TRIM14: variants seen among roughly 807,000 people sequenced by gnomAD.
The protein encoded by TRIM14 is tripartite motif-containing protein 14.
In TRIM14, 28 loss-of-function variants were observed where a neutral mutation model predicts 44.5. That is an observed-to-expected ratio of 0.63 (90% CI 0.47 to 0.86). TRIM14 has a LOEUF of 0.86. TRIM14 is among the 40% of genes least tolerant of loss of function. The pLI, the probability that TRIM14 is intolerant of heterozygous loss-of-function variation, is 0.00. For synonymous variants in TRIM14, 299 were observed against 269.2 expected (o/e 1.11, Z -1.08); for missense variants, 607 against 611.1 (o/e 0.99, Z 0.07).
At chr9:98,059,523 TC>T in the TRIM14 span, among the ~76,000 whole-genome samples, 1 of 152,080 alleles carries the variant, frequency 6.6e-6, no homozygotes, top group East Asian at 1.9e-4. Context: ...CAAGCGATCC[TC>T]CCCCCTCAGC....
the TRIM14 span, chr9:98,060,919 C>A: frequency 6.2e-7 from 1 of 1,614,196 alleles, no homozygotes; most frequent in Middle Eastern, 1.7e-4. Flanking sequence ...ATCTGGAGTT[C>A]AGCCATGACC....
At chr9:98,056,914 G>A in the TRIM14 span, 1 of 1,608,778 alleles carries the variant, frequency 6.2e-7, no homozygotes, top group South Asian at 1.1e-5. Flanking sequence ...CCTGGACGTA[G>A]CCAAGCGCAT....
intron 2 of TRIM14, among the ~76,000 whole-genome samples, chr9:98,107,166 A>G (rs901698200): frequency 2.0e-5 from 3 of 152,246 alleles, no homozygotes; most frequent in African/African-American, 7.2e-5. Flanking sequence ...GCAGAAAAAC[A>G]CACTCTCATG....
chr9:98,068,601 GC>G, downstream of TRIM14, among the ~76,000 whole-genome samples: 1 of 151,142 alleles, frequency 6.6e-6, no homozygotes, highest in East Asian at 1.9e-4. Flanking sequence ...GTCGCTTGAG[GC>G]CAGGAGTTCA....
the TRIM14 span, among the ~76,000 whole-genome samples, chr9:98,063,705 C>CT: frequency 6.6e-6 from 1 of 151,500 alleles, no homozygotes; most frequent in Non-Finnish European, 1.5e-5. Flanking sequence ...ACACGCTTGG[C>CT]TAATTAAAAA....
In TRIM14 at chr9:98,087,196, G is replaced by C. The variant is rs1306458770; in HGVS notation, c.*274C>G. The stretch of plus-strand genomic sequence containing the variant: ...GGCTTACCTGTGGGGGTATCACTTT[G>C]AAGGAACTGGATTAAAGTAGTGTAA... On this transcript the variant is annotated 3_prime_UTR_variant, in exon 6 of 6. Transcript: ENST00000341469. 1.2e-5 allele frequency: 9 copies of C among 737,820 alleles called. No homozygotes were observed. The highest frequency in any genetic ancestry group is 2.3e-5 in the Non-Finnish European group (9 of 392,270). The allele number at this position is 737,820 out of a possible 1,614,324, so 45.7% of individuals were successfully genotyped here.
the TRIM14 span, among the ~76,000 whole-genome samples, chr9:98,039,941 T>G: frequency 6.6e-6 from 1 of 152,164 alleles, no homozygotes; most frequent in Non-Finnish European, 1.5e-5. Flanking sequence ...ATTGACACTG[T>G]CTAGCAGCGG....
chr9:98,088,681 C>G (rs1825889892), intron 5 of TRIM14, among the ~76,000 whole-genome samples: 1 of 152,180 alleles, frequency 6.6e-6, no homozygotes, highest in African/African-American at 2.4e-5. Context: ...TGTTTGGACG[C>G]ATAACTTAGT....
At chr9:98,065,483 A>AT (rs397837187), downstream of TRIM14, among the ~76,000 whole-genome samples, 10,492 of 58,218 alleles carry the variant, frequency 0.18, 1,876 homozygotes, top group Admixed American at 0.2. Flanking sequence ...TGCCCAGCTA[A>AT]TTTTTTTTTT....
At position 98,087,640 on chromosome 9, in the gene TRIM14, C is replaced by T. The variant is rs1355800803; in HGVS notation, c.1159G>A (p.Asp387Asn). Residue 387 changes from aspartate to asparagine, a missense_variant, in exon 6 of 6, where the codon GAC (aspartate) becomes AAC (asparagine). By Grantham distance (23) the Asp-to-Asn change is conservative. This residue lies in a region of TRIM14 where 356 missense variants were observed against 323.0 expected (regional missense o/e 1.10). Transcript: ENST00000341469. ...AGGAAGACGCCGAGCCGGTCGAGGTCGTCGCGGGGCCGCAGGCGGCTGCGC... is the reference window on the plus strand; with the variant it reads ...AGGAAGACGCCGAGCCGGTCGAGGTTGTCGCGGGGCCGCAGGCGGCTGCGC... ...GQRSRLRPRD[D>N]LDRLGVFLDY... 5 of 1,604,694 alleles carry T rather than the reference C, an allele frequency of 3.1e-6. No homozygotes were observed. The African/African-American group carries it at 5.3e-5, about 17-fold the overall frequency.
At chr9:98,113,125 A>AG (rs1474053155) in intron 1 of TRIM14, among the ~76,000 whole-genome samples, 1 of 123,396 alleles carries the variant, frequency 8.1e-6, no homozygotes, top group East Asian at 2.8e-4. Context: ...AAAAAAAAAA[A>AG]AAAAAAAAAA....
At chr9:98,061,109 C>A in the TRIM14 span, 1 of 1,022,776 alleles carries the variant, frequency 9.8e-7, no homozygotes, top group Non-Finnish European at 1.5e-6. Context: ...CCTTTCTGTT[C>A]CCAGCTACTG....
At chr9:98,042,531 T>A in the TRIM14 span, among the ~76,000 whole-genome samples, 1 of 152,078 alleles carries the variant, frequency 6.6e-6, no homozygotes, top group Non-Finnish European at 1.5e-5. Flanking sequence ...CTTAAAACAT[T>A]TCTAATGTTA....
intron 6 of TRIM14, among the ~76,000 whole-genome samples, chr9:98,072,218 G>A (rs112544962): frequency 6.0e-4 from 92 of 152,248 alleles, no homozygotes; most frequent in African/African-American, 2.1e-3. Context: ...GAGGATTCAG[G>A]GAGCTAAACC....
At chr9:98,110,200 C>T (rs1826793000) in intron 1 of TRIM14, 1 of 548,878 alleles carries the variant, frequency 1.8e-6, no homozygotes, top group African/African-American at 1.9e-5. Flanking sequence ...TGCCTCTAAT[C>T]TTGATTTGCA....
rs116668649 is a variant in TRIM14, at chr9:98,114,050, A to G, written c.208-4066T>C. On this transcript the variant is annotated intron_variant, in intron 1 of 5. Coordinates refer to ENST00000341469, the MANE Select transcript of TRIM14 (RefSeq NM_014788.4). ...CATAACCAGGACCCCTGGAAGTCCAAAAGAGACACATTAGGCTTATTTGGG... is the reference window on the plus strand; with the variant it reads ...CATAACCAGGACCCCTGGAAGTCCAGAAGAGACACATTAGGCTTATTTGGG... 5.4e-3 allele frequency among the ~76,000 whole-genome samples: 829 copies of G among 152,386 alleles called. 4 individuals carry two copies. Among genetic ancestry groups the G allele is most frequent in the African/African-American group, 0.019 (792 of 41,596 alleles).
At chr9:98,084,073 A>G (rs1236148380), downstream of TRIM14, among the ~76,000 whole-genome samples, 1 of 152,212 alleles carries the variant, frequency 6.6e-6, no homozygotes, top group African/African-American at 2.4e-5. Context: ...ACTTGAAGCA[A>G]CATGAACTGG....
At chr9:98,068,673 C>G (rs1457202996), downstream of TRIM14, among the ~76,000 whole-genome samples, 6 of 149,294 alleles carry the variant, frequency 4.0e-5, no homozygotes, top group African/African-American at 1.2e-4. Context: ...AAAAGCCAGG[C>G]ATTGTGGTGT....
At chr9:98,116,821 G>A in intron 1 of TRIM14, among the ~76,000 whole-genome samples, 1 of 150,020 alleles carries the variant, frequency 6.7e-6, no homozygotes, top group South Asian at 2.1e-4. Flanking sequence ...TCTAGTCTGG[G>A]TGACAGAGTG....
Sources: gnomAD v4.1 joint callset for allele counts (sites outside exome capture counted in the v4.1 genomes callset) on GRCh38, gnomAD v4.1.1 for gene constraint, gnomAD v4.1.1 regional missense constraint, MANE v1.5 for transcripts, NCBI Gene and HGNC (gene_info 2026-07-23, HGNC 2026-07-21) for gene names.